Variants in CDK4 observed in about 807,000 individuals in gnomAD.
The protein encoded by CDK4 is cyclin dependent kinase 4, also known as cyclin-dependent kinase 4.
In CDK4, 13 loss-of-function variants were observed where a neutral mutation model predicts 36.7. The observed-to-expected ratio is 0.35, with a 90% CI of 0.23 to 0.56. CDK4 has a LOEUF of 0.56. CDK4 is among the 20% of genes least tolerant of loss of function. The probability of loss-of-function intolerance (pLI) is 0.85; values close to 1 mark genes in which losing one functional copy is unlikely to be tolerated. For missense variants in CDK4, 285 were observed against 387.3 expected, an observed-to-expected ratio of 0.74 and a Z score of 2.22; for synonymous variants, 158 against 146.4, an observed-to-expected ratio of 1.08 and a Z score of -0.57.
rs570320536 is a variant in CDK4 at position 57,751,816 on chromosome 12, A to C, written c.-19-80T>G. 201 of 949,750 alleles carry C rather than the reference A, an allele frequency of 2.1e-4. No individual in the cohort carries two copies. Among genetic ancestry groups the C allele is most frequent in the African/African-American group, 8.7e-4 (53 of 60,578 alleles). The allele number at this position is 949,750 out of a possible 1,614,324, so 58.8% of individuals were successfully genotyped here. A position where few individuals can be genotyped will look rare whatever the true frequency, so the allele number is the denominator to read the frequency against. On this transcript the variant is annotated intron_variant, in intron 1 of 7. Transcript: ENST00000257904. The surrounding 1 kb of genome is among the most constrained non-coding windows in gnomAD (Gnocchi z 4.5). ...AGCCTGCAGCAACAAAGGGACTCCC[A>C]AAAAAAAAGCGCAAAGAACACCACC...
chr12:57,750,865 G>C (rs1227855053), intron 4 of CDK4, 58 bp downstream of exon 4: 12 of 1,602,070 alleles, frequency 7.5e-6, no homozygotes, highest in Admixed American at 1.7e-5. Context: ...CAATTGCTAC[G>C]GGCAATCACT....
rs2140381332 is a variant in CDK4 at position 57,748,625 on chromosome 12, G to C, written c.820-8C>G. On this transcript the variant is annotated splice_polypyrimidine_tract_variant and splice_region_variant and intron_variant, in intron 7 of 7. Coordinates refer to ENST00000257904, the MANE Select transcript of CDK4 (RefSeq NM_000075.4). Reference sequence around the variant, plus strand: ...GTTAAAAGTCAGCATTTCCTGAGGGGAGAGGCAAAGGTCAGAAAACCATGA... The same window carrying C: ...GTTAAAAGTCAGCATTTCCTGAGGGCAGAGGCAAAGGTCAGAAAACCATGA... 1.2e-6 allele frequency: 2 copies of C among 1,601,908 alleles called. No individual in the cohort carries two copies. The highest frequency in any genetic ancestry group is 1.7e-6 in the Non-Finnish European group (2 of 1,168,976).
In CDK4 at chr12:57,751,159, A is replaced by G. The variant is rs147481248; in HGVS notation, c.354+48T>C. On this transcript the variant is annotated intron_variant, in intron 3 of 7. Transcript: ENST00000257904. The surrounding 1 kb of genome is among the most constrained non-coding windows in gnomAD (Gnocchi z 4.5). ...CATACCTGAAATCCCAGAAGGTTCT[A>G]CTACAAAGGTCCCAATCCACCTCTC... The G allele has an allele frequency of 2.9e-3, 4,617 of 1,614,210 alleles. 21 individuals carry two copies. The highest frequency in any genetic ancestry group is 2.2e-3 in the Admixed American group (135 of 60,032).
chr12:57,751,675 C>T lies in CDK4; in HGVS notation c.43G>A (p.Gly15Ser), dbSNP rs1355460580. ...GCCTTGTACACTGTCCCATAGGCAC[C>T]GACACCAATTTCAGCCACTGGCTCA... Reference protein sequence around the residue: ...RYEPVAEIGVGAYGTVYKARD... With the variant: ...RYEPVAEIGVSAYGTVYKARD... The change falls in exon 2 of 8, where the codon GGT (glycine) becomes AGT (serine). Residue 15 changes from glycine (G) to serine (S), a missense_variant. Physicochemically the swap from Gly to Ser is moderately conservative, Grantham distance 56. Transcript: ENST00000257904. The surrounding 1 kb of genome is among the most constrained non-coding windows in gnomAD (Gnocchi z 4.5). 6.2e-7 allele frequency: 1 copy of T among 1,614,174 alleles called. No individual in the cohort carries two copies. The highest frequency in any genetic ancestry group is 8.5e-7 in the Non-Finnish European group (1 of 1,180,028).
At chr12:57,749,594 A>G (rs1371067363) in intron 5 of CDK4, 90 bp from the exon 6 acceptor site, 2 of 1,248,822 alleles carry the variant, frequency 1.6e-6, no homozygotes, top group South Asian at 2.5e-5. Context: ...TAGGAAGTAT[A>G]GGGAATAAAG....
At position 57,752,237 on chromosome 12, in the gene CDK4, C is replaced by T. The variant is rs1346024175; in HGVS notation, c.-82G>A. The T allele has an allele frequency of 4.1e-6, 1 of 242,636 alleles. No homozygotes were observed. Among genetic ancestry groups the T allele is most frequent in the Admixed American group, 5.2e-5 (1 of 19,182 alleles). The allele number at this position is 242,636 out of a possible 1,614,324, so 15.0% of individuals were successfully genotyped here. ...ATCGGGGCCCCGGAGCCGGTTCCTA[C>T]GGCCCCATACACCCGAGCTCGGTCC... On this transcript the variant is annotated 5_prime_UTR_variant, in exon 1 of 8. Coordinates refer to ENST00000257904, the MANE Select transcript of CDK4 (RefSeq NM_000075.4).
chr12:57,749,591 T>C, intron 5 of CDK4, 87 bp from the exon 6 acceptor site: 1 of 1,313,600 alleles, frequency 7.6e-7, no homozygotes, highest in Non-Finnish European at 1.1e-6. Flanking sequence ...AAATAGGAAG[T>C]ATAGGGAATA....
Position 57,751,106 on chromosome 12 carries a change from A to T in CDK4, c.355-16T>A, listed in dbSNP as rs1404144583. On this transcript the variant is annotated splice_polypyrimidine_tract_variant and intron_variant, in intron 3 of 7. Transcript: ENST00000257904. This position sits in a 1 kb window ranked among gnomAD's most constrained non-coding sequence, Gnocchi z 4.5. ...GCATCAGATCCTAGTTTCAAAGGGG[A>T]GGTACAGATGCACTGGAAACTAGGC... 6.2e-7 allele frequency: 1 copy of T among 1,614,132 alleles called. No individual in the cohort carries two copies.
Position 57,751,849 on chromosome 12 carries a change from C to T in CDK4, c.-19-113G>A. On this transcript the variant is annotated intron_variant, in intron 1 of 7. Coordinates refer to ENST00000257904, the MANE Select transcript of CDK4 (RefSeq NM_000075.4). The surrounding 1 kb of genome is among the most constrained non-coding windows in gnomAD (Gnocchi z 4.5). Reference sequence around the variant, plus strand: ...AGCGCAAAGAACACCACCAGCATCCCATCCCCCGCTCCCAGTCTTCCTTGG... The same window carrying T: ...AGCGCAAAGAACACCACCAGCATCCTATCCCCCGCTCCCAGTCTTCCTTGG... The T allele has an allele frequency of 1.3e-6, 1 of 742,652 alleles. No individual in the cohort carries two copies. Among genetic ancestry groups the T allele is most frequent in the Non-Finnish European group, 2.3e-6 (1 of 430,402 alleles). The allele number at this position is 742,652 out of a possible 1,614,324, so 46.0% of individuals were successfully genotyped here.
At position 57,749,322 on chromosome 12, in the gene CDK4, G is replaced by C. The variant is rs765361338; in HGVS notation, c.684-5C>G. ...TCTGGAGGCAGCCCAATCAGGCTGT[G>C]GGGGACAGGAGAACTCTGGTCAGGA... On this transcript the variant is annotated splice_region_variant and splice_polypyrimidine_tract_variant and intron_variant, in intron 6 of 7. Transcript: ENST00000257904. The C allele has an allele frequency of 1.9e-6, 3 of 1,614,176 alleles. No individual in the cohort carries two copies. The Admixed American group carries it at 5.0e-5, about 27-fold the overall frequency.
Position 57,751,451 on chromosome 12 carries a change from C to T in CDK4, c.218+49G>A, listed in dbSNP as rs2140387950. The T allele has an allele frequency of 6.2e-7, 1 of 1,608,868 alleles. No individual in the cohort carries two copies. Among genetic ancestry groups the T allele is most frequent in the South Asian group, 1.1e-5 (1 of 90,952 alleles). On this transcript the variant is annotated intron_variant, in intron 2 of 7. Transcript: ENST00000257904. This position sits in a 1 kb window ranked among gnomAD's most constrained non-coding sequence, Gnocchi z 4.5. ...CAGATCATCACACCCCACCTATAGG[C>T]TGTCTTTTCCCTTTACTCCCCACGC...
chr12:57,748,470 G>T lies in CDK4; in HGVS notation c.*55C>A. ...GATAAAGGCAAAGATTGCCCTCTCA[G>T]TGTCCAGAAGGGAAATGGCAGCTTT... On this transcript the variant is annotated 3_prime_UTR_variant, in exon 8 of 8. Coordinates refer to ENST00000257904, the MANE Select transcript of CDK4 (RefSeq NM_000075.4). 1 of 1,276,968 alleles carries T rather than the reference G, an allele frequency of 7.8e-7. No individual in the cohort carries two copies. Among genetic ancestry groups the T allele is most frequent in the Non-Finnish European group, 1.1e-6 (1 of 874,128 alleles). The allele number at this position is 1,276,968 out of a possible 1,614,324, so 79.1% of individuals were successfully genotyped here. A position where few individuals can be genotyped will look rare whatever the true frequency, so the allele number is the denominator to read the frequency against.
At chr12:57,748,742 A>G (rs3211629) in intron 7 of CDK4, 125 bp from the exon 8 acceptor site, 869 of 690,780 alleles carry the variant, frequency 1.3e-3, no homozygotes, top group African/African-American at 1.8e-3. Context: ...GTCTCGCTCT[A>G]TCACCCAGGC....
chr12:57,749,648 C>G lies in CDK4; in HGVS notation c.633-144G>C, dbSNP rs185740819. Reference sequence around the variant, plus strand: ...TTGGGATGCTGAGGTGAGAGGACTGCTTGAGCCCAGGAGTTCTAGATCAGC... The same window carrying G: ...TTGGGATGCTGAGGTGAGAGGACTGGTTGAGCCCAGGAGTTCTAGATCAGC... On this transcript the variant is annotated intron_variant, in intron 5 of 7. Coordinates refer to ENST00000257904, the MANE Select transcript of CDK4 (RefSeq NM_000075.4). The G allele has an allele frequency of 2.1e-3, 1,688 of 790,854 alleles. 7 individuals carry two copies. The highest frequency in any genetic ancestry group is 2.1e-3 in the Non-Finnish European group (937 of 455,916). The allele number at this position is 790,854 out of a possible 1,614,324, so 49.0% of individuals were successfully genotyped here.
rs876658903 is a variant in CDK4 at position 57,749,277 on chromosome 12, C to T, written c.724G>A (p.Val242Ile). 3.1e-6 allele frequency: 5 copies of T among 1,614,092 alleles called. No individual in the cohort carries two copies. Among genetic ancestry groups the T allele is most frequent in the East Asian group, 4.5e-5 (2 of 44,900 alleles). ...LPPEDDWPRD[V>I]SLPRGAFPPR... ...GGAAAGGCTCCACGGGGCAGGGATA[C>T]ATCTCGAGGCCAGTCATCCTCTGGA... Residue 242 changes from valine to isoleucine, a missense_variant, in exon 7 of 8, where the codon GTA (valine) becomes ATA (isoleucine). Coordinates refer to ENST00000257904, the MANE Select transcript of CDK4 (RefSeq NM_000075.4).
At position 57,749,136 on chromosome 12, in the gene CDK4, C is replaced by T. The variant is rs1955198487; in HGVS notation, c.819+46G>A. On this transcript the variant is annotated intron_variant, in intron 7 of 7. Coordinates refer to ENST00000257904, the MANE Select transcript of CDK4 (RefSeq NM_000075.4). ...GCCCTGCATACTGCTCTATTTCTTT[C>T]CCCAGTCTCTATTTCTTTCCCTGTG... 7 of 1,612,942 alleles carry T rather than the reference C, an allele frequency of 4.3e-6. No homozygotes were observed. The highest frequency in any genetic ancestry group is 1.1e-5 in the South Asian group (1 of 91,018).
chr12:57,749,795 G>A (rs1327985823), intron 5 of CDK4: 18 of 472,778 alleles, frequency 3.8e-5, no homozygotes, highest in South Asian at 4.3e-5. Flanking sequence ...TCAAGAGATC[G>A]AGACCATCCT....
chr12:57,749,371 T>C (rs1298094283), intron 6 of CDK4, 54 bp from the exon 7 acceptor site: 4 of 1,613,712 alleles, frequency 2.5e-6, no homozygotes, highest in African/African-American at 1.3e-5. Context: ...CCCATCCCCA[T>C]GGGCAGAGCC....
chr12:57,748,857 C>T (rs962894078), intron 7 of CDK4: 22 of 554,440 alleles, frequency 4.0e-5, no homozygotes, highest in African/African-American at 4.0e-4. Flanking sequence ...AGGCGTGTGC[C>T]ACCACCCCCG....
Sources: allele counts gnomAD v4.1 joint callset, GRCh38; gene constraint gnomAD v4.1.1; non-coding constraint Gnocchi (gnomAD v3.1); transcripts MANE v1.5; gene names NCBI Gene and HGNC (gene_info 2026-07-23, HGNC 2026-07-21).